DCC: variants seen among roughly 807,000 people sequenced by gnomAD.
The protein encoded by DCC is netrin receptor DCC.
A neutral mutation model predicts 172.5 loss-of-function variants in DCC; 58 were observed. The ratio of observed to expected loss-of-function variants is 0.34; its 90% confidence interval spans 0.27 to 0.42. The LOEUF (loss-of-function observed/expected upper bound fraction) is 0.42. Ranked by LOEUF, DCC falls within the 10% of genes least tolerant of loss-of-function variation. The pLI is 1.00. For missense variants in DCC, 1,740 were observed against 1,791.0 expected, an observed-to-expected ratio of 0.97 and a Z score of 0.51; for synonymous variants, 709 against 644.5, an observed-to-expected ratio of 1.10 and a Z score of -1.52.
chr18:53,331,704 G>C (rs1410302441), intron 14 of DCC, among the ~76,000 whole-genome samples: 1 of 152,050 alleles, frequency 6.6e-6, no homozygotes, highest in Non-Finnish European at 1.5e-5. Flanking sequence ...TAACTCCCTG[G>C]TGATTCTTGT....
At chr18:52,734,242 A>G (rs1417756843) in intron 1 of DCC, among the ~76,000 whole-genome samples, 1 of 152,164 alleles carries the variant, frequency 6.6e-6, no homozygotes, top group Non-Finnish European at 1.5e-5. Context: ...TGGCTTAATT[A>G]TAAATCAAGT....
At chr18:52,957,951 G>A (rs1387001880) in intron 5 of DCC, among the ~76,000 whole-genome samples, 1 of 152,152 alleles carries the variant, frequency 6.6e-6, no homozygotes, top group African/African-American at 2.4e-5. Context: ...CTTTAGCACA[G>A]ATTGGGAGAA....
chr18:52,926,892 T>C (rs1031913517), intron 5 of DCC, among the ~76,000 whole-genome samples: 4 of 138,908 alleles, frequency 2.9e-5, no homozygotes, highest in East Asian at 2.2e-4. Flanking sequence ...TACACACACA[T>C]ACATATGTGT....
chr18:52,656,256 G>A (rs1281009531), intron 1 of DCC, among the ~76,000 whole-genome samples: 1 of 151,746 alleles, frequency 6.6e-6, no homozygotes, highest in Admixed American at 6.6e-5. Context: ...AGTTCACTGT[G>A]GGCACAGTCT....
intron 3 of DCC, among the ~76,000 whole-genome samples, chr18:52,918,895 G>T (rs894220288): frequency 1.1e-4 from 16 of 152,088 alleles, no homozygotes; most frequent in Non-Finnish European, 2.1e-4. Context: ...ATATATTTCA[G>T]TTATTTTTTG....
intron 1 of DCC, among the ~76,000 whole-genome samples, chr18:52,739,158 A>G (rs566794304): frequency 3.9e-5 from 6 of 152,250 alleles, no homozygotes; most frequent in African/African-American, 7.2e-5. Flanking sequence ...CTCCACTACA[A>G]GCTTATAAGA....
Position 52,625,049 on chromosome 18 carries a change from A to G in DCC, c.92-127005A>G, listed in dbSNP as rs149981520. ...GTGTAGCCTATTGTTCCTAGGCTAC[A>G]AACCTGTACAGCTTGTTACTGTACT... On this transcript the variant is annotated intron_variant, in intron 1 of 28. Transcript: ENST00000442544. Among the ~76,000 whole-genome samples the G allele has an allele frequency of 2.6e-3, 398 of 152,314 alleles. 10 individuals carry two copies. In the East Asian group the frequency reaches 0.035, roughly 14 times the overall value.
At chr18:52,835,150 A>C (rs553154347) in intron 2 of DCC, among the ~76,000 whole-genome samples, 8 of 152,326 alleles carry the variant, frequency 5.3e-5, no homozygotes, top group Admixed American at 1.3e-4. Flanking sequence ...TGTAATTCAT[A>C]AAGTGAGAGT....
chr18:52,817,927 A>T (rs546360146), intron 2 of DCC, among the ~76,000 whole-genome samples: 1 of 152,320 alleles, frequency 6.6e-6, no homozygotes, highest in African/African-American at 2.4e-5. Context: ...TTTGCATACT[A>T]TGCTAAGTGG....
chr18:53,390,435 T>C (rs927603591), intron 16 of DCC, among the ~76,000 whole-genome samples: 11 of 152,152 alleles, frequency 7.2e-5, no homozygotes, highest in Admixed American at 2.6e-4. Context: ...CACTCCACTT[T>C]AAACTAGGCT....
intron 1 of DCC, among the ~76,000 whole-genome samples, chr18:52,724,992 G>C (rs541291889): frequency 6.6e-6 from 1 of 152,248 alleles, no homozygotes; most frequent in Non-Finnish European, 1.5e-5. Flanking sequence ...ACCAAATAAA[G>C]AAATAGCTAA....
At chr18:53,296,110 C>A (rs1334052030) in intron 12 of DCC, among the ~76,000 whole-genome samples, 1 of 152,052 alleles carries the variant, frequency 6.6e-6, no homozygotes, top group Non-Finnish European at 1.5e-5. Flanking sequence ...ACAGTAGAAA[C>A]AAATGTTCAA....
chr18:53,122,501 A>C (rs1016805977), intron 7 of DCC, among the ~76,000 whole-genome samples: 6 of 151,538 alleles, frequency 4.0e-5, no homozygotes, highest in African/African-American at 1.5e-4. Flanking sequence ...ATAAAGTTTC[A>C]TTAAGATACA....
At chr18:53,360,404 T>C (rs1046840308) in intron 15 of DCC, among the ~76,000 whole-genome samples, 2 of 152,122 alleles carry the variant, frequency 1.3e-5, no homozygotes, top group Non-Finnish European at 2.9e-5. Context: ...TTGAGAGAGG[T>C]GAGTGGGTAT....
At chr18:53,288,806 A>C (rs954077672) in intron 12 of DCC, among the ~76,000 whole-genome samples, 4 of 152,164 alleles carry the variant, frequency 2.6e-5, no homozygotes, top group African/African-American at 9.7e-5. Context: ...TCATTAACTT[A>C]TCTGAACTTT....
chr18:52,354,105 T>A (rs1448089916), intron 1 of DCC, among the ~76,000 whole-genome samples: 2 of 152,158 alleles, frequency 1.3e-5, no homozygotes. Flanking sequence ...AGCATCATTG[T>A]TCTGGACTTA....
chr18:53,208,995 T>C (rs192736352), intron 11 of DCC, among the ~76,000 whole-genome samples: 3 of 152,326 alleles, frequency 2.0e-5, no homozygotes, highest in African/African-American at 7.2e-5. Context: ...CCTCACATAG[T>C]GCTGGGATTA....
Position 52,340,612 on chromosome 18 carries a change from G to C in DCC, c.-176G>C. 2 of 705,172 alleles carry C rather than the reference G, an allele frequency of 2.8e-6. No homozygotes were observed. The highest frequency in any genetic ancestry group is 3.0e-5 in the South Asian group (2 of 66,358). The allele number at this position is 705,172 out of a possible 1,614,324, so 43.7% of individuals were successfully genotyped here. On this transcript the variant is annotated 5_prime_UTR_variant, in exon 1 of 29. Transcript: ENST00000442544. ...GTCAGTGGACAAGGAAAAAGGCTTCGAAGGCAGCAGAGGCGCAGGGGAGGT... is the reference window on the plus strand; with the variant it reads ...GTCAGTGGACAAGGAAAAAGGCTTCCAAGGCAGCAGAGGCGCAGGGGAGGT...
At chr18:53,179,177 T>C in intron 9 of DCC, 61 bp downstream of exon 9, 1 of 1,508,186 alleles carries the variant, frequency 6.6e-7, no homozygotes, top group Non-Finnish European at 9.1e-7. Context: ...GCAATATCCT[T>C]GAATTCTTTC....
Sources: gnomAD v4.1 joint callset for allele counts (sites outside exome capture counted in the v4.1 genomes callset) on GRCh38, gnomAD v4.1.1 for gene constraint, MANE v1.5 for transcripts, NCBI Gene and HGNC (gene_info 2026-07-23, HGNC 2026-07-21) for gene names.